SLC13A3: variants seen among roughly 807,000 people sequenced by gnomAD.
SLC13A3 encodes the protein solute carrier family 13 member 3, also known as Na(+)/dicarboxylate cotransporter 3.
In SLC13A3, 40 loss-of-function variants were observed where a neutral mutation model predicts 59.0. The observed-to-expected ratio is 0.68, with a 90% CI of 0.53 to 0.88. The LOEUF (loss-of-function observed/expected upper bound fraction) is 0.88, where lower values mean the gene tolerates loss of function less well. Among genes scored for constraint, SLC13A3 ranks in the 40% least tolerant of loss-of-function variants. SLC13A3 has a pLI of 0.00. For synonymous variants in SLC13A3, 317 were observed against 330.3 expected, an observed-to-expected ratio of 0.96 and a Z score of 0.44; for missense variants, 699 against 783.2, an observed-to-expected ratio of 0.89 and a Z score of 1.28.
chr20:46,592,203 C>T (rs1275671896), intron 6 of SLC13A3, among the ~76,000 whole-genome samples: 3 of 151,940 alleles, frequency 2.0e-5, no homozygotes, highest in African/African-American at 4.8e-5. Context: ...CAGAGCAAGA[C>T]CCTGTCTGTA....
intron 1 of SLC13A3, among the ~76,000 whole-genome samples, chr20:46,639,525 C>T (rs182689022): frequency 6.6e-6 from 1 of 152,234 alleles, no homozygotes; most frequent in African/African-American, 2.4e-5. Flanking sequence ...AACCCAAGCT[C>T]CTCCCTCCAC....
At chr20:46,659,639 C>A (rs116582789) in intron 1 of SLC13A3, among the ~76,000 whole-genome samples, 2 of 150,316 alleles carry the variant, frequency 1.3e-5, no homozygotes, top group Non-Finnish European at 2.9e-5. Flanking sequence ...AGCTCGAGCC[C>A]GGGGAGGTGG....
chr20:46,663,413 C>A (rs1005939555), intron 1 of SLC13A3, among the ~76,000 whole-genome samples: 1 of 151,516 alleles, frequency 6.6e-6, no homozygotes, highest in Non-Finnish European at 1.5e-5. Context: ...CCACTACACT[C>A]CAGCCTGGGT....
intron 10 of SLC13A3, among the ~76,000 whole-genome samples, chr20:46,570,382 T>A (rs58835192): frequency 2.0e-5 from 3 of 152,236 alleles, no homozygotes; most frequent in Non-Finnish European, 4.4e-5. Flanking sequence ...AGTGGAGTTA[T>A]GTCTCAATAA....
intron 1 of SLC13A3, among the ~76,000 whole-genome samples, chr20:46,626,083 C>A (rs2062666121): frequency 6.6e-6 from 1 of 150,792 alleles, no homozygotes; most frequent in Non-Finnish European, 1.5e-5. Flanking sequence ...GCAAAGGTTG[C>A]TGTCAAAGCT....
chr20:46,608,959 T>C, intron 3 of SLC13A3: 1 of 1,550,910 alleles, frequency 6.4e-7, no homozygotes, highest in Non-Finnish European at 8.7e-7. Context: ...TTTCCACTCA[T>C]ATTCCATTGA....
chr20:46,647,601 C>T (rs2062907669), intron 1 of SLC13A3, among the ~76,000 whole-genome samples: 1 of 152,186 alleles, frequency 6.6e-6, no homozygotes. Context: ...GCCATGCATT[C>T]CAGAGCTCAT....
intron 3 of SLC13A3, among the ~76,000 whole-genome samples, chr20:46,609,996 C>T (rs2062477445): frequency 6.6e-6 from 1 of 152,198 alleles, no homozygotes; most frequent in African/African-American, 2.4e-5. Flanking sequence ...TAGCAGTACA[C>T]GAAAGTTCCT....
At chr20:46,635,354 T>C (rs917690492) in intron 1 of SLC13A3, among the ~76,000 whole-genome samples, 18 of 152,078 alleles carry the variant, frequency 1.2e-4, no homozygotes, top group African/African-American at 4.3e-4. Context: ...AGAGAAACCC[T>C]CTACCGAGGC....
intron 10 of SLC13A3, among the ~76,000 whole-genome samples, chr20:46,568,980 A>G (rs1360883391): frequency 6.6e-6 from 1 of 151,922 alleles, no homozygotes; most frequent in Non-Finnish European, 1.5e-5. Context: ...GCCCTTTCCC[A>G]TTTTATTTTA....
chr20:46,682,575 T>C (rs1389498276), intron 1 of SLC13A3, among the ~76,000 whole-genome samples: 2 of 152,136 alleles, frequency 1.3e-5, no homozygotes, highest in Non-Finnish European at 2.9e-5. Flanking sequence ...GGTTCTGCCA[T>C]TTACTAACTG....
rs371983986 is a variant in SLC13A3 at position 46,576,495 on chromosome 20, G to A, written c.1220-810C>T. On this transcript the variant is annotated intron_variant, in intron 9 of 12. Transcript: ENST00000279027. ...CGGCACATGGCACAGTTACAGAACC[G>A]GGGAGTCCCTGTGAACACGAACCAG... Among the ~76,000 whole-genome samples, 454 of 152,234 alleles carry A rather than the reference G, an allele frequency of 3.0e-3. 6 individuals are homozygous for A. The highest frequency in any genetic ancestry group is 0.01 in the African/African-American group (421 of 41,538).
At chr20:46,608,657 A>T in intron 3 of SLC13A3, 1 of 455,238 alleles carries the variant, frequency 2.2e-6, no homozygotes, top group Non-Finnish European at 3.8e-6. Flanking sequence ...ATGACGGGGA[A>T]ATACTCATGT....
chr20:46,593,463 T>C (rs962679019), intron 5 of SLC13A3, among the ~76,000 whole-genome samples: 2 of 152,330 alleles, frequency 1.3e-5, no homozygotes, highest in African/African-American at 4.8e-5. Flanking sequence ...TTAACAGTTA[T>C]TGTATAACAA....
In SLC13A3 at chr20:46,559,890, G is replaced by T; in HGVS notation, c.*132C>A. ...GGCTCATGGACTTGAGTGGGCCACT[G>T]GAGGTCACCCTTGCTTGCTGCATAT... On this transcript the variant is annotated 3_prime_UTR_variant, in exon 13 of 13. Coordinates refer to ENST00000279027, the MANE Select transcript of SLC13A3 (RefSeq NM_022829.6). 1.2e-6 allele frequency: 1 copy of T among 857,904 alleles called. No individual in the cohort carries two copies. Among genetic ancestry groups the T allele is most frequent in the Admixed American group, 2.6e-5 (1 of 38,730 alleles). The allele number at this position is 857,904 out of a possible 1,614,324, so 53.1% of individuals were successfully genotyped here.
At chr20:46,658,610 G>A (rs1206117726) in intron 1 of SLC13A3, among the ~76,000 whole-genome samples, 1 of 152,180 alleles carries the variant, frequency 6.6e-6, no homozygotes, top group Non-Finnish European at 1.5e-5. Context: ...GAGCCCAGGA[G>A]TTCGAGACCA....
Position 46,581,611 on chromosome 20 carries a change from G to A in SLC13A3, c.1219+1961C>T, listed in dbSNP as rs191738998. ...AGCAGAGGCTCAAGGCATCAGATGGGCACCATGAGGAAGTGGCTGCCACCA... is the reference window on the plus strand; with the variant it reads ...AGCAGAGGCTCAAGGCATCAGATGGACACCATGAGGAAGTGGCTGCCACCA... On this transcript the variant is annotated intron_variant, in intron 9 of 12. Transcript: ENST00000279027. Among the ~76,000 whole-genome samples the A allele has an allele frequency of 2.2e-3, 340 of 152,300 alleles. 4 individuals are homozygous for A. Among genetic ancestry groups the A allele is most frequent in the African/African-American group, 7.9e-3 (330 of 41,562 alleles).
chr20:46,608,690 G>A (rs938945858), intron 3 of SLC13A3: 2 of 609,820 alleles, frequency 3.3e-6, no homozygotes, highest in African/African-American at 1.8e-5. Flanking sequence ...GATTAACTTA[G>A]ATGGTACACG....
chr20:46,625,031 G>T (rs1319202768), intron 1 of SLC13A3, among the ~76,000 whole-genome samples: 1 of 152,206 alleles, frequency 6.6e-6, no homozygotes, highest in African/African-American at 2.4e-5. Flanking sequence ...AGGGTCTGCT[G>T]TAAAGGGAAG....
Sources: gnomAD v4.1 joint callset for allele counts (sites outside exome capture counted in the v4.1 genomes callset) on GRCh38, gnomAD v4.1.1 for gene constraint, MANE v1.5 for transcripts, NCBI Gene and HGNC (gene_info 2026-07-23, HGNC 2026-07-21) for gene names.